RCAN2: variants seen among roughly 807,000 people sequenced by gnomAD.
RCAN2 encodes regulator of calcineurin 2.
RCAN2 carries 9 observed loss-of-function variants against 23.6 expected under a neutral mutation model. The ratio of observed to expected loss-of-function variants is 0.38; its 90% CI spans 0.23 to 0.67. The LOEUF is 0.67. RCAN2 is among the 30% of genes least tolerant of loss of function. The pLI is 0.51. For synonymous variants in RCAN2, 109 were observed against 115.7 expected (o/e 0.94, Z 0.37); for missense variants, 273 against 302.3 (o/e 0.90, Z 0.72).
chr6:46,224,315 T>G (rs116538845), intron 4 of RCAN2, among the ~76,000 whole-genome samples: 2,001 of 152,326 alleles, frequency 0.013, 36 homozygotes, highest in African/African-American at 0.046. Context: ...CCATCTTTCA[T>G]GGATCAAAAG....
intron 2 of RCAN2, among the ~76,000 whole-genome samples, chr6:46,259,829 T>G (rs1226991136): frequency 6.6e-6 from 1 of 152,194 alleles, no homozygotes; most frequent in Non-Finnish European, 1.5e-5. Context: ...CTTACGGAAC[T>G]TAGGGAAGCA....
intron 2 of RCAN2, among the ~76,000 whole-genome samples, chr6:46,258,761 C>A (rs1767007484): frequency 6.6e-6 from 1 of 152,004 alleles, no homozygotes; most frequent in African/African-American, 2.4e-5. Flanking sequence ...TTTTAGTTTT[C>A]TTTAGTTAAG....
chr6:46,405,686 GAGCCC>G (rs1766378542), intron 2 of RCAN2, among the ~76,000 whole-genome samples: 1 of 152,200 alleles, frequency 6.6e-6, no homozygotes, highest in African/African-American at 2.4e-5. Flanking sequence ...CCAGACTCAG[GAGCCC>G]AGCTGGCTTC....
At chr6:46,301,696 T>C (rs191732153) in intron 2 of RCAN2, among the ~76,000 whole-genome samples, 3 of 151,862 alleles carry the variant, frequency 2.0e-5, no homozygotes, top group Non-Finnish European at 2.9e-5. Context: ...AGTAAGGGAG[T>C]AGCTATTTCA....
intron 2 of RCAN2, among the ~76,000 whole-genome samples, chr6:46,282,794 C>T (rs930890314): frequency 2.6e-5 from 4 of 152,132 alleles, no homozygotes; most frequent in Admixed American, 2.0e-4. Flanking sequence ...GCTTTCAATG[C>T]AAATAGTTTT....
chr6:46,402,092 T>A (rs1319321955), intron 2 of RCAN2, among the ~76,000 whole-genome samples: 3 of 152,128 alleles, frequency 2.0e-5, no homozygotes, highest in African/African-American at 2.4e-5. Flanking sequence ...AAATGAGTAA[T>A]GTTTCCATTA....
chr6:46,229,453 G>A (rs1765799525), intron 4 of RCAN2, among the ~76,000 whole-genome samples: 1 of 152,106 alleles, frequency 6.6e-6, no homozygotes, highest in African/African-American at 2.4e-5. Flanking sequence ...TTATTTCTTG[G>A]AGGCTTGTTC....
At chr6:46,313,299 T>C (rs897333070) in intron 2 of RCAN2, among the ~76,000 whole-genome samples, 7 of 152,198 alleles carry the variant, frequency 4.6e-5, no homozygotes, top group Non-Finnish European at 1.0e-4. Flanking sequence ...TTACTACCTG[T>C]ACTCCTTCAC....
chr6:46,463,895 C>T (rs1582223492), intron 1 of RCAN2, among the ~76,000 whole-genome samples: 1 of 152,098 alleles, frequency 6.6e-6, no homozygotes, highest in African/African-American at 2.4e-5. Context: ...TCATTTGCTT[C>T]TAAAATTAAG....
intron 2 of RCAN2, among the ~76,000 whole-genome samples, chr6:46,315,635 C>T (rs1763409229): frequency 6.6e-6 from 1 of 152,108 alleles, no homozygotes; most frequent in Admixed American, 6.5e-5. Flanking sequence ...TTGAGGGCCA[C>T]AGCAAGGATT....
chr6:46,429,826 A>G (rs1767135958), intron 2 of RCAN2, among the ~76,000 whole-genome samples: 1 of 152,216 alleles, frequency 6.6e-6, no homozygotes, highest in African/African-American at 2.4e-5. Context: ...TCCCAGAGGA[A>G]CTAACGAGGT....
chr6:46,479,681 CA>C lies in RCAN2; in HGVS notation c.-3+11491del, dbSNP rs1485440676. ...CACTGCAGCCTCTGCCTCCCGGGTT[CA>C]AGCAATTCTCCTGCCTCAGCCTCCT... On this transcript the variant is annotated intron_variant, in intron 1 of 4. Coordinates refer to ENST00000371374, the MANE Select transcript of RCAN2 (RefSeq NM_001251974.2). 8.9e-5 allele frequency among the ~76,000 whole-genome samples: 13 copies of C among 146,332 alleles called. No homozygotes were observed. In the South Asian group the frequency reaches 2.0e-3, roughly 22 times the overall value.
chr6:46,423,651 T>C (rs751385660), intron 2 of RCAN2, among the ~76,000 whole-genome samples: 8 of 152,360 alleles, frequency 5.3e-5, no homozygotes, highest in Non-Finnish European at 5.9e-5. Flanking sequence ...AATTTAATTA[T>C]GGGTACCTTA....
chr6:46,424,819 T>C (rs1330593782), intron 2 of RCAN2, among the ~76,000 whole-genome samples: 1 of 152,130 alleles, frequency 6.6e-6, no homozygotes, highest in Non-Finnish European at 1.5e-5. Flanking sequence ...TAGCACATAG[T>C]AAACAGTTAA....
chr6:46,222,269 AC>A lies in RCAN2; in HGVS notation c.*871del, dbSNP rs1252972474. On this transcript the variant is annotated 3_prime_UTR_variant, in exon 5 of 5. Coordinates refer to ENST00000371374, the MANE Select transcript of RCAN2 (RefSeq NM_001251974.2). Reference sequence around the variant, plus strand: ...TTGTCGAACAATCACTAAATAAAAAACATCCAGATTTTTTAAAAGCACAGCT... The same window carrying A: ...TTGTCGAACAATCACTAAATAAAAAAATCCAGATTTTTTAAAAGCACAGCT... 8 of 309,810 alleles carry A rather than the reference AC, an allele frequency of 2.6e-5. No individual in the cohort carries two copies. Among genetic ancestry groups the A allele is most frequent in the Non-Finnish European group, 4.1e-5 (7 of 170,538 alleles). 19.2% of individuals were successfully genotyped at this position (309,810 alleles called of 1,614,324 possible).
At chr6:46,411,181 T>C (rs971368127) in intron 2 of RCAN2, among the ~76,000 whole-genome samples, 19 of 152,212 alleles carry the variant, frequency 1.2e-4, no homozygotes, top group Non-Finnish European at 1.9e-4. Flanking sequence ...GGAATATTAT[T>C]CAGCCTTAAG....
intron 2 of RCAN2, among the ~76,000 whole-genome samples, chr6:46,377,547 G>T (rs1337943013): frequency 6.6e-6 from 1 of 152,234 alleles, no homozygotes; most frequent in African/African-American, 2.4e-5. Context: ...AGCCAAGGGT[G>T]CAGCTGTCTT....
intron 2 of RCAN2, among the ~76,000 whole-genome samples, chr6:46,431,326 CT>C (rs1443772048): frequency 6.6e-6 from 1 of 152,160 alleles, no homozygotes; most frequent in African/African-American, 2.4e-5. Flanking sequence ...CCACCTCGGC[CT>C]CCTAAAGTGC....
intron 2 of RCAN2, among the ~76,000 whole-genome samples, chr6:46,410,931 G>C (rs1766533831): frequency 6.6e-6 from 1 of 152,220 alleles, no homozygotes; most frequent in East Asian, 1.9e-4. Context: ...TGGGCAGCAG[G>C]GAAAGAACAG....
Sources: gnomAD v4.1 joint callset for allele counts (sites outside exome capture counted in the v4.1 genomes callset) on GRCh38, gnomAD v4.1.1 for gene constraint, MANE v1.5 for transcripts, NCBI Gene and HGNC (gene_info 2026-07-23, HGNC 2026-07-21) for gene names.